The following MOB4 variants were observed in gnomAD, a reference collection of about 807,000 sequenced individuals.
MOB4 encodes MOB-like protein phocein.
Under a neutral mutation model 32.2 loss-of-function variants are expected in MOB4, and 4 were observed. That is an observed-to-expected ratio of 0.12 (90% confidence interval 0.06 to 0.28). The LOEUF (loss-of-function observed/expected upper bound fraction) is 0.28. MOB4 is among the 10% of genes least tolerant of loss of function. The probability of loss-of-function intolerance (pLI) is 1.00; values close to 1 mark genes in which losing one functional copy is unlikely to be tolerated. For synonymous variants in MOB4, 88 were observed against 88.1 expected, an observed-to-expected ratio of 1.00 and a Z score of 0.01; for missense variants, 158 against 271.2, an observed-to-expected ratio of 0.58 and a Z score of 2.93.
At chr2:197,531,637 C>T (rs1228049272) in intron 2 of MOB4, among the ~76,000 whole-genome samples, 1 of 152,052 alleles carries the variant, frequency 6.6e-6, no homozygotes, top group East Asian at 1.9e-4. Flanking sequence ...ATGATCTTGG[C>T]TCACTGCAAC....
At chr2:197,527,759 G>T (rs1253250175) in intron 2 of MOB4, among the ~76,000 whole-genome samples, 1 of 152,198 alleles carries the variant, frequency 6.6e-6, no homozygotes, top group Non-Finnish European at 1.5e-5. Flanking sequence ...TCTGAGGTTA[G>T]CTGTGAGCTT....
At chr2:197,525,500 C>T (rs1227594991) in intron 2 of MOB4, among the ~76,000 whole-genome samples, 2 of 151,878 alleles carry the variant, frequency 1.3e-5, no homozygotes, top group Admixed American at 6.6e-5. Flanking sequence ...CTTTGGGAGG[C>T]CGAGGAGGGA....
chr2:197,540,795 C>A (rs2086883064), intron 5 of MOB4, among the ~76,000 whole-genome samples: 1 of 152,118 alleles, frequency 6.6e-6, no homozygotes, highest in African/African-American at 2.4e-5. Context: ...ACTCTGATGC[C>A]TAGTTTAAGT....
chr2:197,546,870 C>T (rs939028410), intron 5 of MOB4, among the ~76,000 whole-genome samples: 3 of 152,152 alleles, frequency 2.0e-5, no homozygotes, highest in Non-Finnish European at 2.9e-5. Flanking sequence ...TTACCGATAA[C>T]AGTCGATTAA....
intron 2 of MOB4, among the ~76,000 whole-genome samples, chr2:197,532,548 T>C (rs1405388905): frequency 1.3e-5 from 2 of 152,102 alleles, no homozygotes; most frequent in African/African-American, 4.8e-5. Context: ...AGCCAGGTGT[T>C]GTGGGCGCAC....
At chr2:197,535,999 A>C (rs762276326) in intron 3 of MOB4, among the ~76,000 whole-genome samples, 2 of 151,438 alleles carry the variant, frequency 1.3e-5, no homozygotes, top group African/African-American at 2.4e-5. Context: ...CTTAGGCTCA[A>C]GTGATCCTCC....
chr2:197,537,690 C>G (rs1056050067), intron 3 of MOB4, among the ~76,000 whole-genome samples: 2 of 152,112 alleles, frequency 1.3e-5, no homozygotes, highest in Non-Finnish European at 2.9e-5. Flanking sequence ...AGATATTTTC[C>G]CATTTTTACA....
intron 1 of MOB4, among the ~76,000 whole-genome samples, chr2:197,517,776 A>C (rs923497350): frequency 1.3e-5 from 2 of 152,218 alleles, no homozygotes; most frequent in African/African-American, 4.8e-5. Context: ...AGTGAAATGG[A>C]TCTGTTCTAA....
chr2:197,531,604 C>T (rs561312972), intron 2 of MOB4, among the ~76,000 whole-genome samples: 6 of 152,066 alleles, frequency 3.9e-5, no homozygotes, highest in Admixed American at 2.6e-4. Flanking sequence ...CTTGCTCTGT[C>T]GCCCAGGCTG....
At chr2:197,538,467 A>G (rs2086841645) in intron 3 of MOB4, among the ~76,000 whole-genome samples, 1 of 148,640 alleles carries the variant, frequency 6.7e-6, no homozygotes, top group East Asian at 2.0e-4. Flanking sequence ...GCAGTTGATT[A>G]TATAATGATG....
chr2:197,516,342 G>A, intron 1 of MOB4, 196 bp downstream of exon 1: 2 of 1,426,122 alleles, frequency 1.4e-6, no homozygotes, highest in Non-Finnish European at 1.8e-6. Flanking sequence ...GGCCTGCGGA[G>A]CTCCGACCCA....
At chr2:197,548,599 A>C (rs973918860) in intron 6 of MOB4, among the ~76,000 whole-genome samples, 184 bp downstream of exon 6, 3 of 152,196 alleles carry the variant, frequency 2.0e-5, no homozygotes, top group Admixed American at 1.3e-4. Context: ...CGTTGTGCAC[A>C]TGTACCCTAA....
chr2:197,535,962 T>C lies in MOB4; in HGVS notation c.224+332T>C, dbSNP rs560497123. Among the ~76,000 whole-genome samples the C allele has an allele frequency of 2.9e-3, 442 of 151,032 alleles. 3 individuals carry two copies. The highest frequency in any genetic ancestry group is 0.013 in the South Asian group (62 of 4,730). On this transcript the variant is annotated intron_variant, in intron 3 of 7. Coordinates refer to ENST00000323303, the MANE Select transcript of MOB4 (RefSeq NM_015387.5). ...TTGCCCACGTTGGAGTGCAGTGGTG[T>C]AATCACTGCTTACTGTGCCTCTACC... is the stretch of plus-strand genomic sequence containing the variant.
intron 2 of MOB4, 65 bp downstream of exon 2, chr2:197,523,751 T>C: frequency 6.6e-7 from 1 of 1,505,080 alleles, no homozygotes. Context: ...GCCCATTGGG[T>C]GGCCTTTGTC....
chr2:197,516,678 A>G, intron 1 of MOB4: 4 of 471,332 alleles, frequency 8.5e-6, no homozygotes, highest in South Asian at 6.2e-5. Flanking sequence ...TTTCCCTTTG[A>G]CCACCTCTCC....
At chr2:197,529,873 C>T (rs1249660095) in intron 2 of MOB4, among the ~76,000 whole-genome samples, 2 of 150,772 alleles carry the variant, frequency 1.3e-5, no homozygotes, top group East Asian at 2.0e-4. Context: ...GGAATGGTCT[C>T]GATCTCTTGA....
intron 2 of MOB4, among the ~76,000 whole-genome samples, chr2:197,525,288 C>CA (rs2086591842): frequency 6.7e-6 from 1 of 149,274 alleles, no homozygotes; most frequent in Non-Finnish European, 1.5e-5. Context: ...AGTGAGCCTG[C>CA]AGTGAGCCGA....
In MOB4 at chr2:197,523,754, C is replaced by T. The variant is rs909073884; in HGVS notation, c.123+68C>T. On this transcript the variant is annotated intron_variant, in intron 2 of 7. Transcript: ENST00000323303. Reference sequence around the variant, plus strand: ...CGATGTGTAAGTGCCCATTGGGTGGCCTTTGTCTGTTGGTCACTGTGCAGC... The same window carrying T: ...CGATGTGTAAGTGCCCATTGGGTGGTCTTTGTCTGTTGGTCACTGTGCAGC... The T allele has an allele frequency of 6.1e-6, 9 of 1,483,570 alleles. No homozygotes were observed. The African/African-American group carries it at 9.9e-5, about 16-fold the overall frequency. 91.9% of individuals were successfully genotyped at this position (1,483,570 alleles called of 1,614,324 possible). A position where few individuals can be genotyped will look rare whatever the true frequency, so the allele number is the denominator to read the frequency against.
rs1559311572 is a variant in MOB4 at position 197,516,419 on chromosome 2, G to A, written c.60+273G>A. ...TGCCTGCCGAAGCCCTGGGCTGCGA[G>A]CCTGTCAGCAGCAACGGCTTCTTCT... On this transcript the variant is annotated intron_variant, in intron 1 of 7. Transcript: ENST00000323303. 4 of 1,361,742 alleles carry A rather than the reference G, an allele frequency of 2.9e-6. No homozygotes were observed. In the Admixed American group the frequency reaches 1.2e-4, roughly 41 times the overall value. The allele number at this position is 1,361,742 out of a possible 1,614,324, so 84.4% of individuals were successfully genotyped here.
Sources: allele counts gnomAD v4.1 joint callset (sites outside exome capture counted in the v4.1 genomes callset), GRCh38; gene constraint gnomAD v4.1.1; transcripts MANE v1.5; gene names NCBI Gene and HGNC (gene_info 2026-07-23, HGNC 2026-07-21).